The following ALK variants were observed in gnomAD, a reference collection of about 807,000 sequenced individuals.
The protein encoded by ALK is ALK tyrosine kinase receptor.
ALK carries 74 observed loss-of-function variants against 163.1 expected under a neutral mutation model. The ratio of observed to expected loss-of-function variants is 0.45; its 90% confidence interval spans 0.38 to 0.55. ALK has a LOEUF of 0.55. Ranked by LOEUF, ALK falls within the 20% of genes least tolerant of loss-of-function variation. The pLI is 0.00. For missense variants in ALK, 2,063 were observed against 2,105.3 expected, an observed-to-expected ratio of 0.98 and a Z score of 0.39; for synonymous variants, 960 against 843.2, an observed-to-expected ratio of 1.14 and a Z score of -2.40.
intron 1 of ALK, among the ~76,000 whole-genome samples, chr2:29,780,949 T>C (rs1270915080): frequency 6.6e-6 from 1 of 152,250 alleles, no homozygotes; most frequent in African/African-American, 2.4e-5. Flanking sequence ...GATTAAAATA[T>C]GCCAAGGCAT....
At chr2:29,357,498 T>A (rs771071207) in intron 5 of ALK, among the ~76,000 whole-genome samples, 2 of 152,166 alleles carry the variant, frequency 1.3e-5, no homozygotes, top group African/African-American at 4.8e-5. Flanking sequence ...GTTATATTAT[T>A]CCTGAAATCT....
intron 1 of ALK, among the ~76,000 whole-genome samples, chr2:29,891,236 G>C (rs1032712993): frequency 1.3e-5 from 2 of 152,126 alleles, no homozygotes; most frequent in Non-Finnish European, 2.9e-5. Flanking sequence ...CCTTCCTTTG[G>C]GGGTAAAGGC....
At chr2:29,643,626 C>A (rs1676784350) in intron 3 of ALK, among the ~76,000 whole-genome samples, 1 of 152,074 alleles carries the variant, frequency 6.6e-6, no homozygotes. Flanking sequence ...GTGGGGAGGC[C>A]ATTTATAACT....
At chr2:29,682,917 AAG>A (rs1158916445) in intron 3 of ALK, among the ~76,000 whole-genome samples, 1 of 152,218 alleles carries the variant, frequency 6.6e-6, no homozygotes, top group Non-Finnish European at 1.5e-5. Flanking sequence ...TGCTCCAGAA[AAG>A]AGACACAGGG....
At chr2:29,768,743 G>GTGTGTGTA (rs373708982) in intron 1 of ALK, among the ~76,000 whole-genome samples, 523 of 150,668 alleles carry the variant, frequency 3.5e-3, no homozygotes, top group African/African-American at 0.011. Flanking sequence ...GTGTGTGTGT[G>GTGTGTGTA]TATATATGTA....
intron 11 of ALK, among the ~76,000 whole-genome samples, chr2:29,251,822 C>G (rs531974137): frequency 6.6e-6 from 1 of 152,124 alleles, no homozygotes; most frequent in Non-Finnish European, 1.5e-5. Context: ...ATTGAAAGCT[C>G]GGTGATGCTA....
chr2:29,662,526 G>T (rs1266791565), intron 3 of ALK, among the ~76,000 whole-genome samples: 1 of 152,066 alleles, frequency 6.6e-6, no homozygotes, highest in Admixed American at 6.6e-5. Context: ...ATAAGATTTG[G>T]GTAGGAGAGG....
chr2:29,409,840 G>C (rs905130639), intron 4 of ALK, among the ~76,000 whole-genome samples: 1 of 152,046 alleles, frequency 6.6e-6, no homozygotes, highest in Non-Finnish European at 1.5e-5. Flanking sequence ...AGGGTTCAAG[G>C]GTTCATTTCT....
intron 3 of ALK, among the ~76,000 whole-genome samples, chr2:29,576,851 C>T (rs1050369799): frequency 5.3e-5 from 8 of 151,850 alleles, no homozygotes; most frequent in Admixed American, 1.3e-4. Context: ...TGATCCATCA[C>T]TGTCTCCCAC....
chr2:29,672,265 C>T (rs1196179395), intron 3 of ALK, among the ~76,000 whole-genome samples: 25 of 151,528 alleles, frequency 1.6e-4, no homozygotes, highest in Admixed American at 1.6e-3. Flanking sequence ...CACGCTGGTG[C>T]ACTGCACCCA....
At chr2:29,329,504 C>G (rs1667376407) in intron 5 of ALK, among the ~76,000 whole-genome samples, 1 of 152,206 alleles carries the variant, frequency 6.6e-6, no homozygotes, top group South Asian at 2.1e-4. Context: ...CTGCCTTACT[C>G]TCTGCCTTGT....
At chr2:29,486,242 TG>T (rs1420733738) in intron 4 of ALK, among the ~76,000 whole-genome samples, 1 of 152,204 alleles carries the variant, frequency 6.6e-6, no homozygotes, top group Non-Finnish European at 1.5e-5. Context: ...AAATTAATAA[TG>T]GAGAATCTTG....
At chr2:29,491,759 A>C (rs1485822731) in intron 4 of ALK, among the ~76,000 whole-genome samples, 1 of 152,152 alleles carries the variant, frequency 6.6e-6, no homozygotes, top group African/African-American at 2.4e-5. Flanking sequence ...TGCCAGCAGG[A>C]GAGGCAAGAA....
chr2:29,344,092 A>G (rs1003110676), intron 5 of ALK, among the ~76,000 whole-genome samples: 1 of 152,226 alleles, frequency 6.6e-6, no homozygotes, highest in African/African-American at 2.4e-5. Flanking sequence ...CCTACATAGT[A>G]GGTATTCAAT....
chr2:29,748,287 C>G (rs563139313), intron 1 of ALK, among the ~76,000 whole-genome samples: 1 of 152,058 alleles, frequency 6.6e-6, no homozygotes, highest in African/African-American at 2.4e-5. Flanking sequence ...TTTTAAGAGC[C>G]CTTGGTCTAC....
intron 3 of ALK, among the ~76,000 whole-genome samples, chr2:29,541,214 T>G (rs1279272566): frequency 6.6e-6 from 1 of 152,222 alleles, no homozygotes; most frequent in Admixed American, 6.5e-5. Flanking sequence ...TATTCTTTTC[T>G]GCATATCCCA....
At chr2:29,896,179 C>A (rs78508934) in intron 1 of ALK, among the ~76,000 whole-genome samples, 2 of 152,106 alleles carry the variant, frequency 1.3e-5, no homozygotes, top group Admixed American at 6.5e-5. Flanking sequence ...AGCAGGGAGC[C>A]GGGCTGCAGA....
rs151268484 is a variant in ALK at position 29,388,757 on chromosome 2, G to A, written c.1155-4898C>T. On this transcript the variant is annotated intron_variant, in intron 4 of 28. Coordinates refer to ENST00000389048, the MANE Select transcript of ALK (RefSeq NM_004304.5). ...TCTGCATCTCAATTCATTTATGAGCGTCAAAGGAGAAAGGAATATAGTAAA... is the reference window on the plus strand; with the variant it reads ...TCTGCATCTCAATTCATTTATGAGCATCAAAGGAGAAAGGAATATAGTAAA... 4.0e-3 allele frequency among the ~76,000 whole-genome samples: 605 copies of A among 152,266 alleles called. 3 individuals carry two copies. Among genetic ancestry groups the A allele is most frequent in the African/African-American group, 0.014 (576 of 41,540 alleles).
intron 22 of ALK, among the ~76,000 whole-genome samples, chr2:29,222,105 G>T (rs901365186): frequency 6.6e-5 from 10 of 152,242 alleles, no homozygotes; most frequent in African/African-American, 2.2e-4. Flanking sequence ...GATACTGGTT[G>T]CAGACAGTGA....
Sources: allele counts gnomAD v4.1 joint callset (sites outside exome capture counted in the v4.1 genomes callset), GRCh38; gene constraint gnomAD v4.1.1; transcripts MANE v1.5; gene names NCBI Gene and HGNC (gene_info 2026-07-23, HGNC 2026-07-21).